The following BRF1 variants were observed in gnomAD, a reference collection of about 807,000 sequenced individuals.
BRF1 encodes BRF1 general transcription factor IIIB subunit, also known as transcription factor IIIB 90 kDa subunit.
Under a neutral mutation model 81.7 loss-of-function variants are expected in BRF1, and 59 were observed. The ratio of observed to expected loss-of-function variants is 0.72; its 90% CI spans 0.59 to 0.90. The LOEUF (loss-of-function observed/expected upper bound fraction) is 0.90. BRF1 is among the 40% of genes least tolerant of loss of function. The pLI, the probability that BRF1 is intolerant of heterozygous loss-of-function variation, is 0.00. For missense variants in BRF1, 1,050 were observed against 936.3 expected, an observed-to-expected ratio of 1.12 and a Z score of -1.58; for synonymous variants, 491 against 395.6, an observed-to-expected ratio of 1.24 and a Z score of -2.86.
chr14:105,270,493 A>G (rs2056610922), intron 3 of BRF1, among the ~76,000 whole-genome samples: 1 of 151,710 alleles, frequency 6.6e-6, no homozygotes, highest in Admixed American at 6.5e-5. Context: ...AAAATGTTAA[A>G]AGGACATTTT....
chr14:105,285,648 A>AT (rs2057287309), intron 2 of BRF1, among the ~76,000 whole-genome samples: 1 of 152,232 alleles, frequency 6.6e-6, no homozygotes, highest in South Asian at 2.1e-4. Flanking sequence ...TCAAGAGACT[A>AT]AATAGGTAAA....
At position 105,263,648 on chromosome 14, in the gene BRF1, G is replaced by A. The variant is rs587754920; in HGVS notation, c.440-7099C>T. On this transcript the variant is annotated intron_variant, in intron 3 of 17. Coordinates refer to ENST00000547530, the MANE Select transcript of BRF1 (RefSeq NM_001519.4). ...CTCAAGAAAAGTTAAATTCCCGGCCGGGCGCGATGGCTCACGCCTGTAATC... is the reference window on the plus strand; with the variant it reads ...CTCAAGAAAAGTTAAATTCCCGGCCAGGCGCGATGGCTCACGCCTGTAATC... Among the ~76,000 whole-genome samples, 7 of 152,242 alleles carry A rather than the reference G, an allele frequency of 4.6e-5. No homozygotes were observed. The South Asian group carries it at 8.3e-4, about 18-fold the overall frequency.
chr14:105,302,079 C>T (rs1205535530), upstream of BRF1, among the ~76,000 whole-genome samples: 1 of 150,834 alleles, frequency 6.6e-6, no homozygotes. Flanking sequence ...GTGGAGGTTG[C>T]AGTGAGCTGA....
At chr14:105,303,279 T>C (rs2140628683), upstream of BRF1, among the ~76,000 whole-genome samples, 1 of 151,736 alleles carries the variant, frequency 6.6e-6, no homozygotes, top group Non-Finnish European at 1.5e-5. Context: ...AGTCTCGCTC[T>C]GTCACCCAGG....
At chr14:105,279,490 A>G (rs587687806) in intron 2 of BRF1, among the ~76,000 whole-genome samples, 1 of 152,282 alleles carries the variant, frequency 6.6e-6, no homozygotes, top group East Asian at 1.9e-4. Flanking sequence ...AAAGCGAATT[A>G]ATGCCGCAGC....
At chr14:105,241,568 C>T (rs1272449538) in intron 5 of BRF1, 154 bp from the exon 6 acceptor site, 8 of 996,058 alleles carry the variant, frequency 8.0e-6, no homozygotes, top group African/African-American at 1.6e-5. Context: ...GCCTCTCTGA[C>T]CCTCAGCTAG....
chr14:105,310,646 G>C (rs1412459524), intron 1 of BRF1, among the ~76,000 whole-genome samples: 1 of 152,116 alleles, frequency 6.6e-6, no homozygotes, highest in Admixed American at 6.5e-5. Context: ...TGCACGTTTG[G>C]TTTTTTCAGG....
At chr14:105,274,573 C>T (rs1401054973) in intron 2 of BRF1, among the ~76,000 whole-genome samples, 4 of 152,168 alleles carry the variant, frequency 2.6e-5, no homozygotes, top group Non-Finnish European at 5.9e-5. Flanking sequence ...CGAGCACACG[C>T]GCCTCCCTGG....
chr14:105,302,409 G>T (rs978996910), upstream of BRF1, among the ~76,000 whole-genome samples: 16 of 151,556 alleles, frequency 1.1e-4, no homozygotes, highest in African/African-American at 3.9e-4. Flanking sequence ...CTCCATGTTG[G>T]TCAGGCCAGT....
chr14:105,260,920 T>C (rs1364144883), intron 3 of BRF1, among the ~76,000 whole-genome samples: 2 of 152,214 alleles, frequency 1.3e-5, no homozygotes, highest in Non-Finnish European at 2.9e-5. Context: ...GGCCTACTAA[T>C]GCCTTTGGGG....
upstream of BRF1, among the ~76,000 whole-genome samples, chr14:105,301,663 T>G (rs1315246789): frequency 1.3e-5 from 2 of 152,246 alleles, no homozygotes; most frequent in Non-Finnish European, 2.9e-5. Context: ...TTCTCCGTTT[T>G]CTGTTCCCCT....
intron 2 of BRF1, among the ~76,000 whole-genome samples, chr14:105,281,256 C>T (rs2057084852): frequency 7.0e-6 from 1 of 143,152 alleles, no homozygotes; most frequent in African/African-American, 2.7e-5. Flanking sequence ...TGGATACAGC[C>T]TGCGTGACCC....
At chr14:105,263,130 G>A (rs1056467495) in intron 3 of BRF1, among the ~76,000 whole-genome samples, 8 of 151,510 alleles carry the variant, frequency 5.3e-5, no homozygotes, top group African/African-American at 7.3e-5. Context: ...CCAGCTACTC[G>A]GGAGGCTGAG....
chr14:105,313,892 C>A (rs1319628745), intron 1 of BRF1, among the ~76,000 whole-genome samples: 1 of 152,254 alleles, frequency 6.6e-6, no homozygotes, highest in Non-Finnish European at 1.5e-5. Flanking sequence ...CGGGCCCCAG[C>A]GGCTCTAGCC....
upstream of BRF1, among the ~76,000 whole-genome samples, chr14:105,305,233 T>G (rs2058152605): frequency 6.6e-6 from 1 of 152,042 alleles, no homozygotes; most frequent in African/African-American, 2.4e-5. Flanking sequence ...AAACCCTGAC[T>G]CTACAAAAAC....
At chr14:105,293,401 T>C (rs1258058660) in intron 1 of BRF1, among the ~76,000 whole-genome samples, 1 of 152,172 alleles carries the variant, frequency 6.6e-6, no homozygotes, top group Non-Finnish European at 1.5e-5. Context: ...AAAGTTGTGA[T>C]TACGGGAAAC....
intron 1 of BRF1, among the ~76,000 whole-genome samples, chr14:105,314,247 G>A (rs964131615): frequency 4.0e-5 from 6 of 151,810 alleles, no homozygotes; most frequent in African/African-American, 1.5e-4. Context: ...AGCGGGGGTC[G>A]GCAGGAGACA....
At chr14:105,259,633 G>A (rs967618972) in intron 3 of BRF1, among the ~76,000 whole-genome samples, 4 of 152,156 alleles carry the variant, frequency 2.6e-5, no homozygotes, top group African/African-American at 7.2e-5. Context: ...CATGTCCACC[G>A]GACACGGGGC....
chr14:105,228,736 G>C, intron 7 of BRF1, 84 bp downstream of exon 7: 1 of 1,484,140 alleles, frequency 6.7e-7, no homozygotes, highest in Non-Finnish European at 9.3e-7. Context: ...GTCCCGGGAG[G>C]TGGCGCCTGC....
Sources: allele counts gnomAD v4.1 joint callset (sites outside exome capture counted in the v4.1 genomes callset), GRCh38; gene constraint gnomAD v4.1.1; transcripts MANE v1.5; gene names NCBI Gene and HGNC (gene_info 2026-07-23, HGNC 2026-07-21).